SULT1A1: variants seen among roughly 807,000 people sequenced by gnomAD.
SULT1A1 encodes sulfotransferase 1A1.
SULT1A1 carries 35 observed loss-of-function variants against 36.8 expected under a neutral mutation model. That is an observed-to-expected ratio of 0.95 (90% CI 0.73 to 1.26). SULT1A1 has a LOEUF of 1.26. SULT1A1 is among the 50% of genes most tolerant of loss of function. The pLI is 0.00. For synonymous variants in SULT1A1, 119 were observed against 146.0 expected (o/e 0.82, Z 1.33); for missense variants, 309 against 383.0 (o/e 0.81, Z 1.61).
intron 1 of SULT1A1, among the ~76,000 whole-genome samples, chr16:28,621,709 C>CGA (rs2047659809): frequency 6.6e-6 from 1 of 152,040 alleles, no homozygotes; most frequent in African/African-American, 2.4e-5. Flanking sequence ...GGCCCTAGCT[C>CGA]CCCGGCTGTC....
intron 4 of SULT1A1, chr16:28,607,343 C>G (rs1348768638): frequency 5.2e-6 from 3 of 571,946 alleles, no homozygotes; most frequent in Non-Finnish European, 8.5e-6. Flanking sequence ...CTCCACCAGC[C>G]GTGATCCCAC....
Position 28,620,013 on chromosome 16 carries a change from A to G in SULT1A1, c.138+50T>C, listed in dbSNP as rs8056335. ...GTATATTGTGTGTGTGTGTGTGTGT[A>G]TATACACACACAAAAAGATACTGAT... On this transcript the variant is annotated intron_variant, in intron 2 of 5. Coordinates refer to the SULT1A1 transcript ENST00000350842. 1.3e-3 allele frequency: 1,818 copies of G among 1,370,454 alleles called. 5 individuals are homozygous for G. Among genetic ancestry groups the G allele is most frequent in the East Asian group, 4.5e-3 (180 of 40,376 alleles). The allele number at this position is 1,370,454 out of a possible 1,614,324, so 84.9% of individuals were successfully genotyped here.
intron 4 of SULT1A1, chr16:28,607,712 T>A (rs2047271208): frequency 6.7e-6 from 1 of 149,624 alleles, no homozygotes; most frequent in African/African-American, 2.4e-5. Context: ...TCGCCCAAGT[T>A]GGAGTGCACT....
In SULT1A1 at chr16:28,623,263, C is replaced by T. The variant is rs576254399; in HGVS notation, c.-66G>A. 4.5e-6 allele frequency: 7 copies of T among 1,543,920 alleles called. No individual in the cohort carries two copies. In the East Asian group the frequency reaches 1.2e-4, roughly 27 times the overall value. On this transcript the variant is annotated 5_prime_UTR_variant, in exon 1 of 6. Transcript: ENST00000350842. ...CCCAGCCACACGTAGTTGAAGTTGG[C>T]GTGGAAGGTCACCACCAACGTGGCC... is the stretch of plus-strand genomic sequence containing the variant.
At chr16:28,617,939 T>G (rs1485173451) in intron 2 of SULT1A1, among the ~76,000 whole-genome samples, 1 of 152,176 alleles carries the variant, frequency 6.6e-6, no homozygotes, top group Non-Finnish European at 1.5e-5. Flanking sequence ...ACTCACTCAT[T>G]GTAACCACTG....
upstream of SULT1A1, chr16:28,610,879 A>G (rs1327348284): frequency 6.6e-6 from 1 of 152,262 alleles, no homozygotes; most frequent in African/African-American, 2.4e-5. Context: ...GCTGTGCACG[A>G]GACAGGTAAA....
Position 28,606,252 on chromosome 16 carries a change from C to T in SULT1A1, c.595-16G>A, listed in dbSNP as rs201915498. On this transcript the variant is annotated splice_polypyrimidine_tract_variant and intron_variant, in intron 6 of 7. Coordinates refer to ENST00000314752, the MANE Select transcript of SULT1A1 (RefSeq NM_001055.4). ...TTTTCGGGTTCTGAGCAGCAGAGGG[C>T]CCCTCAGTGGAGGCTCGGATTACTG... 2 of 1,611,054 alleles carry T rather than the reference C, an allele frequency of 1.2e-6. No homozygotes were observed. Among genetic ancestry groups the T allele is most frequent in the Non-Finnish European group, 1.7e-6 (2 of 1,177,840 alleles).
Position 28,608,867 on chromosome 16 carries a change from A to C in SULT1A1, c.-4-8T>G. 6.2e-7 allele frequency: 1 copy of C among 1,611,478 alleles called. No individual in the cohort carries two copies. The highest frequency in any genetic ancestry group is 1.3e-5 in the African/African-American group (1 of 74,970). On this transcript the variant is annotated splice_polypyrimidine_tract_variant and splice_region_variant and intron_variant, in intron 1 of 7. Coordinates refer to ENST00000314752, the MANE Select transcript of SULT1A1 (RefSeq NM_001055.4). Reference sequence around the variant, plus strand: ...TGGATCAGCTCCATGTTCCTGCGTCAGGGGCCAGAGCCAGGCCCGTTCCCT... The same window carrying C: ...TGGATCAGCTCCATGTTCCTGCGTCCGGGGCCAGAGCCAGGCCCGTTCCCT...
At chr16:28,615,987 A>T (rs868474018) in intron 2 of SULT1A1, among the ~76,000 whole-genome samples, 15 of 146,634 alleles carry the variant, frequency 1.0e-4, no homozygotes, top group Admixed American at 4.2e-4. Context: ...TAGGAGTGTG[A>T]CCACTGAAGC....
chr16:28,616,856 C>T (rs2047557309), intron 2 of SULT1A1, among the ~76,000 whole-genome samples: 1 of 152,144 alleles, frequency 6.6e-6, no homozygotes, highest in Non-Finnish European at 1.5e-5. Flanking sequence ...CAAACTCATT[C>T]CAAGTTGCTC....
intron 1 of SULT1A1, among the ~76,000 whole-genome samples, chr16:28,621,825 G>A (rs1023735926): frequency 3.3e-5 from 5 of 152,114 alleles, no homozygotes; most frequent in African/African-American, 7.2e-5. Flanking sequence ...AATGATGATA[G>A]AGGCCACAGG....
intron 1 of SULT1A1, chr16:28,609,382 G>T: frequency 7.8e-7 from 1 of 1,290,078 alleles, no homozygotes; most frequent in Non-Finnish European, 1.0e-6. Flanking sequence ...GTCCATCTGG[G>T]CTCCAGGACA....
At chr16:28,606,737 G>C in intron 6 of SULT1A1, 24 bp downstream of exon 6, 1 of 1,610,398 alleles carries the variant, frequency 6.2e-7, no homozygotes, top group East Asian at 2.2e-5. Flanking sequence ...GTCACATGGA[G>C]GGAAGCATCG....
At chr16:28,606,669 G>T in intron 6 of SULT1A1, 92 bp downstream of exon 6, 1 of 1,556,228 alleles carries the variant, frequency 6.4e-7, no homozygotes, top group Non-Finnish European at 8.7e-7. Context: ...TGTGGGGGCT[G>T]CCCAGGGAGG....
intron 2 of SULT1A1, chr16:28,620,051 C>T (rs371874377): frequency 2.3e-4 from 375 of 1,610,262 alleles, no homozygotes; most frequent in Non-Finnish European, 2.8e-4. Context: ...CATTTTCAAA[C>T]GCCTGTCTTA....
chr16:28,619,734 T>TA (rs55829523), intron 2 of SULT1A1, among the ~76,000 whole-genome samples: 88,949 of 135,598 alleles, frequency 0.66, 27,743 homozygotes, highest in East Asian at 0.94. Context: ...AAAATTTTAT[T>TA]AAAAAATATA....
intron 4 of SULT1A1, chr16:28,607,654 CAAAAAAAAAAAAAA>C (rs5816471): frequency 2.3e-5 from 2 of 87,464 alleles, no homozygotes; most frequent in African/African-American, 3.9e-5. Context: ...CAGAGAGTCT[CAAAAAAAAAAAAAA>C]AAAAAAAAGG....
At position 28,606,307 on chromosome 16, in the gene SULT1A1, T is replaced by G. The variant is rs1007313155; in HGVS notation, c.595-71A>C. On this transcript the variant is annotated intron_variant, in intron 6 of 7. Coordinates refer to ENST00000314752, the MANE Select transcript of SULT1A1 (RefSeq NM_001055.4). ...AGGAAAAGTAAAAGGGGTCCCCTTC[T>G]CTAACCTCAGAGGCGATCTGGCCAC... is the stretch of plus-strand genomic sequence containing the variant. The G allele has an allele frequency of 9.6e-5, 154 of 1,607,408 alleles. 1 individual carries two copies. Among genetic ancestry groups the G allele is most frequent in the Admixed American group, 8.7e-4 (51 of 58,838 alleles).
intron 1 of SULT1A1, among the ~76,000 whole-genome samples, chr16:28,622,396 C>T (rs2047674128): frequency 6.6e-6 from 1 of 152,166 alleles, no homozygotes. Context: ...GCCCCTGTCC[C>T]CCACACCCCA....
Sources: gnomAD v4.1 joint callset for allele counts (sites outside exome capture counted in the v4.1 genomes callset) on GRCh38, gnomAD v4.1.1 for gene constraint, MANE v1.5 for transcripts, NCBI Gene and HGNC (gene_info 2026-07-23, HGNC 2026-07-21) for gene names.